RSPH14: variants seen among roughly 807,000 people sequenced by gnomAD.
The protein encoded by RSPH14 is rhabdoid tumor deletion region gene 1.
Under a neutral mutation model 26.7 loss-of-function variants are expected in RSPH14, and 20 were observed. That is an observed-to-expected ratio of 0.75 (90% CI 0.53 to 1.09). The LOEUF is 1.09. RSPH14 is among the 50% of genes least tolerant of loss of function. RSPH14 has a pLI of 0.00. For missense variants in RSPH14, 449 were observed against 457.2 expected (o/e 0.98, Z 0.16); for synonymous variants, 177 against 189.3 (o/e 0.93, Z 0.53).
the RSPH14 span, among the ~76,000 whole-genome samples, chr22:23,167,678 C>G: frequency 1.3e-5 from 2 of 152,078 alleles, no homozygotes; most frequent in Non-Finnish European, 2.9e-5. Context: ...TTGACACGTT[C>G]ACTCATTCAT....
intron 3 of RSPH14, among the ~76,000 whole-genome samples, chr22:23,135,479 G>A (rs556559847): frequency 6.8e-5 from 9 of 131,548 alleles, no homozygotes; most frequent in East Asian, 6.3e-4. Flanking sequence ...GTGACAGAGC[G>A]AGACTCTGTC....
chr22:23,173,198 G>A, the RSPH14 span, among the ~76,000 whole-genome samples: 2 of 151,714 alleles, frequency 1.3e-5, no homozygotes, highest in Admixed American at 6.6e-5. Context: ...GCAGTGGCGC[G>A]ATCTCCGCTC....
chr22:23,145,647 C>A, upstream of RSPH14: 2 of 1,339,086 alleles, frequency 1.5e-6, no homozygotes, highest in Non-Finnish European at 2.0e-6. Context: ...AGCGTCCGCG[C>A]CCACTTCCCG....
chr22:23,063,921 G>A lies in RSPH14; in HGVS notation c.634C>T (p.Arg212Cys), dbSNP rs149201608. 1,073 of 1,614,124 alleles carry A rather than the reference G, an allele frequency of 6.6e-4. 3 individuals carry two copies. In the East Asian group the frequency reaches 0.011, roughly 17 times the overall value. Residue 212 changes from arginine to cysteine, a missense_variant, in exon 5 of 7, where the codon CGT becomes TGT. Physicochemically the swap from Arg to Cys is radical, Grantham distance 180. Coordinates refer to ENST00000216036, the MANE Select transcript of RSPH14 (RefSeq NM_014433.3). ...ANQNIRSKAARALLNVSISRE... is the reference protein window; with the variant it reads ...ANQNIRSKAACALLNVSISRE... The stretch of plus-strand genomic sequence containing the variant: ...CCTCACCTGACATTAAGGAGCGCAC[G>A]GGCGGCCTTGCTGCGGATGTTCTGG...
At position 23,137,901 on chromosome 22, in the gene RSPH14, G is replaced by A. The variant is rs79965908; in HGVS notation, c.302+939C>T. On this transcript the variant is annotated intron_variant, in intron 3 of 6. Coordinates refer to ENST00000216036, the MANE Select transcript of RSPH14 (RefSeq NM_014433.3). ...CTAATACAAAGTAAAACTACTGATC[G>A]CCAGTCAAGAGGGTGAACCCAGCTG... The A allele has an allele frequency of 1.7e-4, 27 of 156,046 alleles. No individual in the cohort carries two copies. The East Asian group carries it at 4.5e-3, about 26-fold the overall frequency. The allele number at this position is 156,046 out of a possible 1,614,324, so 9.7% of individuals were successfully genotyped here. A position where few individuals can be genotyped will look rare whatever the true frequency, so the allele number is the denominator to read the frequency against.
At chr22:23,101,333 A>G (rs1032948366) in intron 4 of RSPH14, among the ~76,000 whole-genome samples, 2 of 152,092 alleles carry the variant, frequency 1.3e-5, no homozygotes, top group Non-Finnish European at 2.9e-5. Flanking sequence ...CTGGTCCCAC[A>G]TCCTGTGGGT....
the RSPH14 span, among the ~76,000 whole-genome samples, chr22:23,169,400 C>G: frequency 9.2e-5 from 14 of 152,260 alleles, no homozygotes; most frequent in Non-Finnish European, 1.6e-4. Context: ...CTCCTCTGGC[C>G]TCCAGCCTCC....
In RSPH14 at chr22:23,104,858, G is replaced by A. The variant is rs143050869; in HGVS notation, c.421+29168C>T. 4.1e-3 allele frequency among the ~76,000 whole-genome samples: 628 copies of A among 152,338 alleles called. 4 individuals are homozygous for A. The highest frequency in any genetic ancestry group is 0.014 in the African/African-American group (599 of 41,576). ...CCACTGGCTCAGTCTAGTTTCTGGAGGGATTGGAATGACAGTCAGCTAGGG... is the reference window on the plus strand; with the variant it reads ...CCACTGGCTCAGTCTAGTTTCTGGAAGGATTGGAATGACAGTCAGCTAGGG... On this transcript the variant is annotated intron_variant, in intron 4 of 6. Coordinates refer to ENST00000216036, the MANE Select transcript of RSPH14 (RefSeq NM_014433.3).
At chr22:23,177,115 C>T in the RSPH14 span, among the ~76,000 whole-genome samples, 1 of 152,184 alleles carries the variant, frequency 6.6e-6, no homozygotes, top group Non-Finnish European at 1.5e-5. Flanking sequence ...CACCTCTGAT[C>T]CCACTTCCTA....
chr22:23,105,983 G>A (rs9624027), intron 4 of RSPH14, among the ~76,000 whole-genome samples: 21,857 of 152,146 alleles, frequency 0.14, 5,018 homozygotes, highest in African/African-American at 0.49. Flanking sequence ...TGGGTGTGAA[G>A]CCAGGGAGCA....
intron 5 of RSPH14, 49 bp downstream of exon 5, chr22:23,063,853 G>C: frequency 6.3e-7 from 1 of 1,580,426 alleles, no homozygotes; most frequent in Non-Finnish European, 8.7e-7. Context: ...GTCCAGCTCA[G>C]GTGCCTTCTC....
intron 4 of RSPH14, among the ~76,000 whole-genome samples, chr22:23,106,947 A>C (rs2069499536): frequency 6.6e-6 from 1 of 152,176 alleles, no homozygotes; most frequent in Admixed American, 6.5e-5. Flanking sequence ...ACACACAGGG[A>C]AACCAGGGAG....
intron 4 of RSPH14, among the ~76,000 whole-genome samples, chr22:23,107,758 A>G (rs1044303331): frequency 2.6e-5 from 4 of 152,156 alleles, no homozygotes; most frequent in Admixed American, 2.6e-4. Flanking sequence ...TCAAACCCAC[A>G]TTTTCATTCA....
At chr22:23,145,584 C>G, upstream of RSPH14, 2 of 1,581,668 alleles carry the variant, frequency 1.3e-6, no homozygotes, top group Non-Finnish European at 1.7e-6. Context: ...TCCGACCCTC[C>G]CGGTCACCCA....
At chr22:23,167,461 C>G in the RSPH14 span, among the ~76,000 whole-genome samples, 1,260 of 152,276 alleles carry the variant, frequency 8.3e-3, 11 homozygotes, top group African/African-American at 0.029. Flanking sequence ...CCTGCCTCCC[C>G]CTCCTCCCAG....
At chr22:23,162,994 C>T in the RSPH14 span, 4 of 310,582 alleles carry the variant, frequency 1.3e-5, no homozygotes, top group Non-Finnish European at 2.5e-5. Context: ...TCAGTGCAAC[C>T]TCTGCCTCCC....
chr22:23,121,820 C>T (rs1418651152), intron 4 of RSPH14, among the ~76,000 whole-genome samples: 1 of 150,402 alleles, frequency 6.6e-6, no homozygotes, highest in Non-Finnish European at 1.5e-5. Context: ...CTCCCGGGTT[C>T]AAGTGATTCT....
chr22:23,151,887 C>T, the RSPH14 span, among the ~76,000 whole-genome samples: 4 of 152,154 alleles, frequency 2.6e-5, no homozygotes, highest in Non-Finnish European at 5.9e-5. Context: ...CAGCCCTGTT[C>T]GGGGTGTGCC....
chr22:23,170,103 A>C, the RSPH14 span, among the ~76,000 whole-genome samples: 1 of 151,516 alleles, frequency 6.6e-6, no homozygotes, highest in Non-Finnish European at 1.5e-5. Flanking sequence ...TAAAAAAAAA[A>C]AAAAAAGCAA....
Sources: allele counts gnomAD v4.1 joint callset (sites outside exome capture counted in the v4.1 genomes callset), GRCh38; gene constraint gnomAD v4.1.1; transcripts MANE v1.5; gene names NCBI Gene and HGNC (gene_info 2026-07-23, HGNC 2026-07-21).